The following SNX13 variants were observed in gnomAD, a reference collection of about 807,000 sequenced individuals.
SNX13 encodes the protein sorting nexin 13.
A neutral mutation model predicts 133.6 loss-of-function variants in SNX13; 45 were observed. That is an observed-to-expected ratio of 0.34 (90% CI 0.27 to 0.43). The LOEUF is 0.43. SNX13 is among the 20% of genes least tolerant of loss of function. The pLI is 1.00. For missense variants in SNX13, 1,032 were observed against 1,145.1 expected (o/e 0.90, Z 1.43); for synonymous variants, 414 against 373.9 (o/e 1.11, Z -1.24).
intron 1 of SNX13, among the ~76,000 whole-genome samples, chr7:17,933,498 G>A (rs1026091265): frequency 5.3e-5 from 8 of 151,068 alleles, no homozygotes; most frequent in African/African-American, 7.3e-5. Context: ...AGCTGAGATC[G>A]CGCCACTGCA....
At chr7:17,900,249 C>G (rs2128002243) in intron 1 of SNX13, 1 of 152,534 alleles carries the variant, frequency 6.6e-6, no homozygotes, top group South Asian at 2.1e-4. Context: ...TGTGATGGCA[C>G]TGGATCATAC....
chr7:17,913,636 C>T (rs1198016451), intron 1 of SNX13, among the ~76,000 whole-genome samples: 1 of 151,852 alleles, frequency 6.6e-6, no homozygotes, highest in Non-Finnish European at 1.5e-5. Context: ...GAGCCTTGGC[C>T]CTCTGAAAGC....
At chr7:17,936,271 T>C (rs1342154538) in intron 1 of SNX13, among the ~76,000 whole-genome samples, 1 of 152,218 alleles carries the variant, frequency 6.6e-6, no homozygotes. Context: ...ACCTTTTACT[T>C]AACAACTATT....
intron 9 of SNX13, among the ~76,000 whole-genome samples, chr7:17,866,645 AAAAAC>A (rs756919290): frequency 4.4e-4 from 67 of 152,336 alleles, no homozygotes; most frequent in Non-Finnish European, 8.2e-4. Flanking sequence ...TGTGGGAACT[AAAAAC>A]AAAACAAAAC....
chr7:17,906,278 T>C (rs1036162304), intron 1 of SNX13, among the ~76,000 whole-genome samples: 2 of 152,140 alleles, frequency 1.3e-5, no homozygotes, highest in African/African-American at 4.8e-5. Flanking sequence ...CGACATTTAA[T>C]AAAACATAGA....
chr7:17,805,115 C>G (rs994179729), intron 20 of SNX13, among the ~76,000 whole-genome samples: 11 of 151,804 alleles, frequency 7.2e-5, no homozygotes, highest in Non-Finnish European at 1.3e-4. Flanking sequence ...AGAACAGAAA[C>G]TGGCTTGAAT....
intron 16 of SNX13, among the ~76,000 whole-genome samples, chr7:17,829,357 G>A (rs1788233185): frequency 6.6e-6 from 1 of 151,364 alleles, no homozygotes; most frequent in Non-Finnish European, 1.5e-5. Flanking sequence ...TTATTCAGTG[G>A]CAAGGCTGGA....
At chr7:17,862,698 T>G (rs1489727041) in intron 9 of SNX13, among the ~76,000 whole-genome samples, 1 of 152,202 alleles carries the variant, frequency 6.6e-6, no homozygotes, top group African/African-American at 2.4e-5. Context: ...AATCCCCTAT[T>G]TGGGACATTT....
chr7:17,843,804 C>T (rs2691611), intron 12 of SNX13, among the ~76,000 whole-genome samples: 84,581 of 151,852 alleles, frequency 0.56, 24,046 homozygotes, highest in South Asian at 0.68. Context: ...TCAAACAACA[C>T]ACTTTTTATT....
At chr7:17,934,928 T>C (rs1439107185) in intron 1 of SNX13, among the ~76,000 whole-genome samples, 2 of 152,136 alleles carry the variant, frequency 1.3e-5, no homozygotes, top group Admixed American at 6.6e-5. Context: ...ACACTGTAGG[T>C]AGAAATGCAA....
intron 17 of SNX13, among the ~76,000 whole-genome samples, chr7:17,823,342 A>G (rs1257015424): frequency 2.0e-5 from 3 of 152,194 alleles, no homozygotes; most frequent in South Asian, 4.1e-4. Flanking sequence ...ATAATGGATT[A>G]CGTTTATTCA....
Position 17,871,756 on chromosome 7 carries a change from G to A in SNX13, c.753+1772C>T, listed in dbSNP as rs573954903. ...TCAGAATTGAGTTCGGTCCTAAACC[G>A]AGGTCACTTTTCCCCTACTGCAACA... On this transcript the variant is annotated intron_variant, in intron 8 of 25. Coordinates refer to ENST00000428135, the MANE Select transcript of SNX13 (RefSeq NM_015132.5). 1.1e-4 allele frequency among the ~76,000 whole-genome samples: 17 copies of A among 152,230 alleles called. No homozygotes were observed. In the South Asian group the frequency reaches 2.3e-3, roughly 20 times the overall value.
chr7:17,801,606 C>T lies in SNX13; in HGVS notation c.2280G>A (p.Ser760=), dbSNP rs778754709. 3.7e-5 allele frequency: 60 copies of T among 1,608,302 alleles called. No individual in the cohort carries two copies. The highest frequency in any genetic ancestry group is 4.7e-5 in the Non-Finnish European group (55 of 1,177,472). The change falls in exon 22 of 26, where the codon TCG becomes TCA. Residue 760 remains serine, a synonymous_variant. Coordinates refer to ENST00000428135, the MANE Select transcript of SNX13 (RefSeq NM_015132.5). Reference sequence around the variant, plus strand: ...AACTCACATTATCGTCAAGTTGAGCCGAAACTCGGCGATGTTCAGGGTCTG... The same window carrying T: ...AACTCACATTATCGTCAAGTTGAGCTGAAACTCGGCGATGTTCAGGGTCTG... ...TDSDPEHRRV[S]AQLDDNVDDN...
intron 8 of SNX13, among the ~76,000 whole-genome samples, chr7:17,872,288 G>A (rs1794205237): frequency 6.6e-6 from 1 of 152,148 alleles, no homozygotes; most frequent in African/African-American, 2.4e-5. Flanking sequence ...AATGAGACCA[G>A]TGACATGAAA....
intron 7 of SNX13, among the ~76,000 whole-genome samples, chr7:17,874,722 T>G (rs1794513705): frequency 6.6e-6 from 1 of 152,210 alleles, no homozygotes; most frequent in Non-Finnish European, 1.5e-5. Flanking sequence ...TCCTCTTAAT[T>G]TAAAACTGTG....
chr7:17,886,901 C>A (rs894130871), intron 5 of SNX13, among the ~76,000 whole-genome samples: 2 of 150,328 alleles, frequency 1.3e-5, no homozygotes, highest in South Asian at 2.1e-4. Flanking sequence ...CTCAATACCA[C>A]AGAAATGATT....
At chr7:17,930,659 T>A (rs965865531) in intron 1 of SNX13, among the ~76,000 whole-genome samples, 1 of 152,216 alleles carries the variant, frequency 6.6e-6, no homozygotes, top group African/African-American at 2.4e-5. Flanking sequence ...GAAAGTATAT[T>A]ATTTCAGTTT....
At chr7:17,899,464 T>C (rs1797578929) in intron 1 of SNX13, 3 of 152,130 alleles carry the variant, frequency 2.0e-5, no homozygotes, top group Admixed American at 2.0e-4. Flanking sequence ...CTTTTGAGGC[T>C]ATTTTCTAGA....
At chr7:17,917,133 C>A (rs1799644260) in intron 1 of SNX13, among the ~76,000 whole-genome samples, 1 of 152,026 alleles carries the variant, frequency 6.6e-6, no homozygotes, top group African/African-American at 2.4e-5. Flanking sequence ...AGATAAAACC[C>A]TTCACAAACT....
Sources: allele counts gnomAD v4.1 joint callset (sites outside exome capture counted in the v4.1 genomes callset), GRCh38; gene constraint gnomAD v4.1.1; transcripts MANE v1.5; gene names NCBI Gene and HGNC (gene_info 2026-07-23, HGNC 2026-07-21).